TMEM17: variants seen among roughly 807,000 people sequenced by gnomAD.
The protein encoded by TMEM17 is transmembrane protein 17.
TMEM17 carries 15 observed loss-of-function variants against 19.1 expected under a neutral mutation model. The observed-to-expected ratio is 0.78, with a 90% CI of 0.52 to 1.21. The LOEUF is 1.21. Among genes scored for constraint, TMEM17 ranks in the 50% most tolerant of loss-of-function variants. TMEM17 has a pLI of 0.00. For synonymous variants in TMEM17, 103 were observed against 86.9 expected, an observed-to-expected ratio of 1.19 and a Z score of -1.03; for missense variants, 245 against 242.3, an observed-to-expected ratio of 1.01 and a Z score of -0.07.
the TMEM17 span, among the ~76,000 whole-genome samples, chr2:62,456,780 A>G: frequency 6.6e-6 from 1 of 152,240 alleles, no homozygotes; most frequent in African/African-American, 2.4e-5. Flanking sequence ...CAGTCATGCT[A>G]GAGACCTCTC....
the TMEM17 span, among the ~76,000 whole-genome samples, chr2:62,485,232 G>A: frequency 2.6e-5 from 4 of 152,328 alleles, no homozygotes; most frequent in Non-Finnish European, 4.4e-5. Flanking sequence ...AAGCTACCAC[G>A]CCCAGCTTGA....
In TMEM17 at chr2:62,502,408, T is replaced by C. The variant is rs751157471; in HGVS notation, c.318+29A>G. ...TGAAAACTGATTTCATTTATATCTA[T>C]CACTGAGAGAAAGGAAAAAAGAGCT... On this transcript the variant is annotated intron_variant, in intron 3 of 3. Coordinates refer to ENST00000335390, the MANE Select transcript of TMEM17 (RefSeq NM_198276.3). The C allele has an allele frequency of 2.7e-5, 38 of 1,430,082 alleles. No individual in the cohort carries two copies. The South Asian group carries it at 4.3e-4, about 16-fold the overall frequency. 88.6% of individuals were successfully genotyped at this position (1,430,082 alleles called of 1,614,324 possible). A position where few individuals can be genotyped will look rare whatever the true frequency, so the allele number is the denominator to read the frequency against.
the TMEM17 span, among the ~76,000 whole-genome samples, chr2:62,479,523 A>T: frequency 2.0e-5 from 3 of 152,172 alleles, no homozygotes; most frequent in Non-Finnish European, 4.4e-5. Context: ...GGCTATTGTG[A>T]ATAGTGCTGC....
the TMEM17 span, among the ~76,000 whole-genome samples, chr2:62,464,450 C>G: frequency 1.3e-5 from 2 of 152,226 alleles, no homozygotes; most frequent in African/African-American, 2.4e-5. Context: ...CAAGGCACCC[C>G]TGTCACGAGT....
At chr2:62,487,839 T>C in the TMEM17 span, among the ~76,000 whole-genome samples, 1 of 152,144 alleles carries the variant, frequency 6.6e-6, no homozygotes, top group Admixed American at 6.5e-5. Flanking sequence ...GATTACAGGC[T>C]CATGCCACCA....
chr2:62,488,774 CCT>C, the TMEM17 span, among the ~76,000 whole-genome samples: 1 of 146,166 alleles, frequency 6.8e-6, no homozygotes, highest in African/African-American at 2.5e-5. Flanking sequence ...GCTAGCACTT[CCT>C]CTCTGTTTTA....
chr2:62,481,698 G>GGTGT, the TMEM17 span, among the ~76,000 whole-genome samples: 35,980 of 143,870 alleles, frequency 0.25, 4,654 homozygotes, highest in South Asian at 0.32. Flanking sequence ...ACCCCTTAAA[G>GGTGT]GTGTGTGTGT....
chr2:62,488,764 G>A, the TMEM17 span, among the ~76,000 whole-genome samples: 3 of 145,794 alleles, frequency 2.1e-5, no homozygotes, highest in Admixed American at 6.9e-5. Context: ...GCTGCTGTTT[G>A]CTAGCACTTC....
Position 62,506,088 on chromosome 2 carries a change from G to T in TMEM17, c.42C>A (p.Phe14Leu). Residue 14 changes from phenylalanine to leucine, a missense_variant, in exon 1 of 4, where the codon TTC (phenylalanine) becomes TTA (leucine). Coordinates refer to ENST00000335390, the MANE Select transcript of TMEM17 (RefSeq NM_198276.3). Reference protein sequence around the residue: ...PDPVRQRLGNFSRAVFSDSNR... With the variant: ...PDPVRQRLGNLSRAVFSDSNR... ...TGGAATCACTGAACACGGCCCGGCT[G>T]AAGTTTCCCAGCCGCTGGCGCACCG... 1 of 1,610,528 alleles carries T rather than the reference G, an allele frequency of 6.2e-7. No homozygotes were observed. The highest frequency in any genetic ancestry group is 1.3e-5 in the African/African-American group (1 of 74,612).
At chr2:62,494,227 T>A in the TMEM17 span, among the ~76,000 whole-genome samples, 5,138 of 152,306 alleles carry the variant, frequency 0.034, 273 homozygotes, top group African/African-American at 0.12. Flanking sequence ...CATAGCGTAC[T>A]AAAAATACAG....
chr2:62,473,421 A>C, the TMEM17 span, among the ~76,000 whole-genome samples: 1 of 152,178 alleles, frequency 6.6e-6, no homozygotes, highest in South Asian at 2.1e-4. Flanking sequence ...TGGTAGCCTG[A>C]AGCAGAGATG....
chr2:62,495,123 A>G, the TMEM17 span, among the ~76,000 whole-genome samples: 1 of 152,262 alleles, frequency 6.6e-6, no homozygotes, highest in African/African-American at 2.4e-5. Flanking sequence ...TAGATTAAAA[A>G]GCTCTTTTCA....
At chr2:62,483,123 G>T in the TMEM17 span, among the ~76,000 whole-genome samples, 1 of 152,208 alleles carries the variant, frequency 6.6e-6, no homozygotes, top group Admixed American at 6.5e-5. Context: ...GGAAGTACTG[G>T]AACTCAAATC....
chr2:62,470,160 C>T, the TMEM17 span, among the ~76,000 whole-genome samples: 1 of 152,206 alleles, frequency 6.6e-6, no homozygotes, highest in East Asian at 1.9e-4. Context: ...TCTGCTTCCT[C>T]CACTACACTG....
At chr2:62,501,616 A>G in intron 3 of TMEM17, 129 bp from the exon 4 acceptor site, 2 of 901,010 alleles carry the variant, frequency 2.2e-6, no homozygotes, top group Non-Finnish European at 3.3e-6. Context: ...AAGGAGGATG[A>G]CATGGTCCTT....
At chr2:62,483,773 T>C in the TMEM17 span, among the ~76,000 whole-genome samples, 1 of 152,064 alleles carries the variant, frequency 6.6e-6, no homozygotes, top group Admixed American at 6.5e-5. Flanking sequence ...CTAATTTTTG[T>C]ATTTTTAGGA....
chr2:62,454,937 C>A, the TMEM17 span, among the ~76,000 whole-genome samples: 1 of 152,176 alleles, frequency 6.6e-6, no homozygotes, highest in Non-Finnish European at 1.5e-5. Flanking sequence ...GATCTCCTGA[C>A]CTAGTGATTT....
At position 62,506,015 on chromosome 2, in the gene TMEM17, G is replaced by T. The variant is rs377036319; in HGVS notation, c.100+15C>A. ...CGGCAGGCCACACCCCCTGCACCGG[G>T]CCTCGGTCACTCACCCGGACCCTCA... On this transcript the variant is annotated intron_variant, in intron 1 of 3. Transcript: ENST00000335390. 3.8e-5 allele frequency: 61 copies of T among 1,601,268 alleles called. No individual in the cohort carries two copies. The highest frequency in any genetic ancestry group is 5.1e-5 in the Admixed American group (3 of 59,110).
chr2:62,459,229 C>A, the TMEM17 span, among the ~76,000 whole-genome samples: 1 of 152,234 alleles, frequency 6.6e-6, no homozygotes, highest in Non-Finnish European at 1.5e-5. Flanking sequence ...GTTGAGGGGT[C>A]TGCCTTCCAC....
Sources: gnomAD v4.1 joint callset for allele counts (sites outside exome capture counted in the v4.1 genomes callset) on GRCh38, gnomAD v4.1.1 for gene constraint, MANE v1.5 for transcripts, NCBI Gene and HGNC (gene_info 2026-07-23, HGNC 2026-07-21) for gene names.